The following UBAP2L variants were observed in gnomAD, a reference collection of about 807,000 sequenced individuals.
UBAP2L encodes the protein ubiquitin-associated protein 2-like.
UBAP2L carries 12 observed loss-of-function variants against 130.6 expected under a neutral mutation model. The ratio of observed to expected loss-of-function variants is 0.09; its 90% CI spans 0.06 to 0.15. The LOEUF is 0.15. UBAP2L is among the 10% of genes least tolerant of loss of function. The probability of loss-of-function intolerance (pLI) is 1.00; values close to 1 mark genes in which losing one functional copy is unlikely to be tolerated. For synonymous variants in UBAP2L, 503 were observed against 524.7 expected, an observed-to-expected ratio of 0.96 and a Z score of 0.57; for missense variants, 965 against 1,332.5, an observed-to-expected ratio of 0.72 and a Z score of 4.29.
In UBAP2L at chr1:154,270,712, T is replaced by G. The variant is rs1489843718; in HGVS notation, c.*417T>G. 4.3e-6 allele frequency: 6 copies of G among 1,406,770 alleles called. No homozygotes were observed. Among genetic ancestry groups the G allele is most frequent in the Non-Finnish European group, 5.5e-6 (6 of 1,086,808 alleles). The allele number at this position is 1,406,770 out of a possible 1,614,324, so 87.1% of individuals were successfully genotyped here. Reference sequence around the variant, plus strand: ...ACAACAACAACAACAAACAAAAAAATGGCGTCATGAATATGAACAGCATTG... The same window carrying G: ...ACAACAACAACAACAAACAAAAAAAGGGCGTCATGAATATGAACAGCATTG... On this transcript the variant is annotated 3_prime_UTR_variant, in exon 27 of 27. Transcript: ENST00000428931.
chr1:154,242,822 C>T (rs551832604), intron 9 of UBAP2L: 1 of 152,236 alleles, frequency 6.6e-6, no homozygotes, highest in Non-Finnish European at 1.5e-5. Flanking sequence ...TATGATCTTT[C>T]TTTGGGAGGG....
chr1:154,249,173 G>A, intron 11 of UBAP2L, 66 bp from the exon 12 acceptor site: 1 of 1,525,436 alleles, frequency 6.6e-7, no homozygotes, highest in Non-Finnish European at 9.1e-7. Context: ...CTGGATAAGT[G>A]TCTTTATGAG....
intron 11 of UBAP2L, among the ~76,000 whole-genome samples, chr1:154,248,262 C>G (rs374046043): frequency 6.6e-6 from 1 of 152,136 alleles, no homozygotes; most frequent in African/African-American, 2.4e-5. Flanking sequence ...CCACCGCATT[C>G]GGCCCAGTGA....
rs184716221 is a variant in UBAP2L at position 154,230,913 on chromosome 1, G to A, written c.279+2188G>A. Among the ~76,000 whole-genome samples, 80 of 152,294 alleles carry A rather than the reference G, an allele frequency of 5.3e-4. No individual in the cohort carries two copies. In the South Asian group the frequency reaches 7.7e-3, roughly 15 times the overall value. On this transcript the variant is annotated intron_variant, in intron 4 of 26. Transcript: ENST00000428931. ...GATGTGCATACAGAGGAGGGAGAAA[G>A]GTTACAGTTTCCTGAAACTTGCCAG...
At position 154,267,880 on chromosome 1, in the gene UBAP2L, CTTTTTTTTTT is replaced by C. The variant is rs869153080; in HGVS notation, c.2971-860_2971-851del. On this transcript the variant is annotated intron_variant, in intron 25 of 26. Coordinates refer to ENST00000428931, the MANE Select transcript of UBAP2L (RefSeq NM_014847.4). ...TCCACATTCCATCCTCTTATTTGGT[CTTTTTTTTTT>C]TTTTTTTTTTTTTTTTGAGACGGAG... Among the ~76,000 whole-genome samples the C allele has an allele frequency of 1.8e-3, 96 of 52,082 alleles. 1 individual carries two copies. Among genetic ancestry groups the C allele is most frequent in the Middle Eastern group, 0.026 (2 of 76 alleles). The allele number at this position is 52,082 out of a possible 152,430, so 34.2% of individuals were successfully genotyped here. A position where few individuals can be genotyped will look rare whatever the true frequency, so the allele number is the denominator to read the frequency against.
chr1:154,242,728 TA>T (rs1309379638), intron 9 of UBAP2L, among the ~76,000 whole-genome samples: 1 of 152,090 alleles, frequency 6.6e-6, no homozygotes, highest in Non-Finnish European at 1.5e-5. Flanking sequence ...CGATCTCCCA[TA>T]AAAACCTTAA....
chr1:154,223,635 A>G (rs1218731483), intron 1 of UBAP2L, among the ~76,000 whole-genome samples: 1 of 152,128 alleles, frequency 6.6e-6, no homozygotes, highest in African/African-American at 2.4e-5. Context: ...TTGTGTGCCA[A>G]TATGTGTAGG....
chr1:154,266,716 A>G (rs933065992), intron 25 of UBAP2L, 148 bp downstream of exon 25: 3 of 795,126 alleles, frequency 3.8e-6, no homozygotes, highest in Non-Finnish European at 2.1e-6. Context: ...GGTCTTCTCT[A>G]GACTTCACTT....
At chr1:154,243,152 C>G in intron 9 of UBAP2L, 65 bp from the exon 10 acceptor site, 3 of 1,393,814 alleles carry the variant, frequency 2.2e-6, no homozygotes, top group Non-Finnish European at 3.0e-6. Context: ...ATTCCCCTTA[C>G]CTATGCCAAG....
intron 14 of UBAP2L, among the ~76,000 whole-genome samples, chr1:154,252,441 C>T (rs536458490): frequency 2.7e-4 from 40 of 149,926 alleles, no homozygotes; most frequent in Non-Finnish European, 4.3e-4. Flanking sequence ...CCACCACATC[C>T]GGCTAATTTT....
intron 22 of UBAP2L, among the ~76,000 whole-genome samples, chr1:154,260,415 GTCT>G (rs1042996199): frequency 1.3e-5 from 2 of 152,222 alleles, no homozygotes; most frequent in African/African-American, 4.8e-5. Context: ...GGTTGAGGTG[GTCT>G]TCTCTGCTCA....
At chr1:154,269,473 C>T in intron 26 of UBAP2L, 2 of 1,268,046 alleles carry the variant, frequency 1.6e-6, no homozygotes, top group Non-Finnish European at 2.1e-6. Flanking sequence ...ATTTCACCTT[C>T]ACAGCCTCAG....
intron 9 of UBAP2L, chr1:154,241,832 G>A: frequency 3.1e-6 from 3 of 963,458 alleles, no homozygotes; most frequent in Non-Finnish European, 2.5e-6. Flanking sequence ...ATTTATCCCA[G>A]GAAGAGATTG....
chr1:154,221,617 C>T (rs1184107475), intron 1 of UBAP2L, among the ~76,000 whole-genome samples: 1 of 152,208 alleles, frequency 6.6e-6, no homozygotes, highest in African/African-American at 2.4e-5. Flanking sequence ...AGGAGATTGG[C>T]CCCGTGGGCT....
chr1:154,258,458 A>T (rs1558213918), intron 20 of UBAP2L, among the ~76,000 whole-genome samples: 1 of 152,206 alleles, frequency 6.6e-6, no homozygotes, highest in African/African-American at 2.4e-5. Flanking sequence ...ATTAAGATGA[A>T]GGATATATGG....
intron 24 of UBAP2L, chr1:154,263,550 A>C: frequency 2.0e-6 from 2 of 994,328 alleles, no homozygotes; most frequent in Non-Finnish European, 1.2e-6. Flanking sequence ...CTAGGAACCA[A>C]TGCTGTGCTG....
intron 25 of UBAP2L, among the ~76,000 whole-genome samples, chr1:154,267,371 G>C (rs1365563392): frequency 6.6e-6 from 1 of 151,912 alleles, no homozygotes; most frequent in Non-Finnish European, 1.5e-5. Flanking sequence ...GGCTAGGCTG[G>C]TCTCGAACTC....
intron 23 of UBAP2L, 122 bp from the exon 24 acceptor site, chr1:154,261,470 A>G: frequency 1.1e-6 from 1 of 924,714 alleles, no homozygotes; most frequent in Non-Finnish European, 1.8e-6. Context: ...CACTAAGCAA[A>G]CTGTAGTCAA....
chr1:154,237,059 A>G lies in UBAP2L; in HGVS notation c.626A>G (p.Asn209Ser). 2 of 1,614,188 alleles carry G rather than the reference A, an allele frequency of 1.2e-6. No individual in the cohort carries two copies. The highest frequency in any genetic ancestry group is 1.1e-5 in the South Asian group (1 of 91,082). Residue 209 changes from asparagine to serine, a missense_variant, in exon 8 of 27, where the codon AAT becomes AGT. Physicochemically the swap from Asn to Ser is conservative, Grantham distance 46. Coordinates refer to ENST00000428931, the MANE Select transcript of UBAP2L (RefSeq NM_014847.4). ...FNPADYAEPA[N>S]TDDNYGNSSG... ...CCAGCTGATTATGCAGAGCCAGCCA[A>G]TACTGATGATAACTATGGCAATAGC...
Sources: gnomAD v4.1 joint callset for allele counts (sites outside exome capture counted in the v4.1 genomes callset) on GRCh38, gnomAD v4.1.1 for gene constraint, MANE v1.5 for transcripts, NCBI Gene and HGNC (gene_info 2026-07-23, HGNC 2026-07-21) for gene names.